The following FGGY variants were observed in gnomAD, a reference collection of about 807,000 sequenced individuals.
FGGY encodes the protein FGGY carbohydrate kinase domain-containing protein.
In FGGY, 72 loss-of-function variants were observed where a neutral mutation model predicts 71.3. That is an observed-to-expected ratio of 1.01 (90% CI 0.84 to 1.23). FGGY has a LOEUF of 1.23. Ranked by LOEUF, FGGY falls within the 50% of genes most tolerant of loss-of-function variation. FGGY has a pLI of 0.00. For missense variants in FGGY, 668 were observed against 682.3 expected (o/e 0.98, Z 0.23); for synonymous variants, 251 against 250.3 (o/e 1.00, Z -0.02).
At chr1:59,702,592 C>T (rs2097718679) in intron 14 of FGGY, among the ~76,000 whole-genome samples, 1 of 152,024 alleles carries the variant, frequency 6.6e-6, no homozygotes. Flanking sequence ...GAGAGAGAGG[C>T]TGTTAATGTG....
chr1:59,550,060 G>A (rs963925532), intron 7 of FGGY, among the ~76,000 whole-genome samples: 8 of 152,156 alleles, frequency 5.3e-5, no homozygotes, highest in African/African-American at 1.7e-4. Context: ...GTTGGGCATT[G>A]TGCAAGTTTC....
intron 5 of FGGY, among the ~76,000 whole-genome samples, chr1:59,379,169 A>G (rs930023894): frequency 1.3e-5 from 2 of 151,646 alleles, no homozygotes; most frequent in Non-Finnish European, 2.9e-5. Flanking sequence ...ATAAACACAC[A>G]CACACACACA....
intron 6 of FGGY, among the ~76,000 whole-genome samples, chr1:59,490,267 C>T (rs1436192191): frequency 6.6e-6 from 1 of 152,154 alleles, no homozygotes; most frequent in Non-Finnish European, 1.5e-5. Flanking sequence ...CCAGGCAGGT[C>T]TTAAACTCCT....
chr1:59,538,646 A>C (rs909676082), intron 7 of FGGY, among the ~76,000 whole-genome samples: 7 of 151,808 alleles, frequency 4.6e-5, no homozygotes, highest in Non-Finnish European at 2.9e-5. Flanking sequence ...CATATACACC[A>C]TGGAATACTA....
At chr1:59,612,300 G>A (rs900514203) in intron 9 of FGGY, among the ~76,000 whole-genome samples, 7 of 152,244 alleles carry the variant, frequency 4.6e-5, no homozygotes, top group African/African-American at 1.4e-4. Flanking sequence ...CTGATCTCTC[G>A]GCAGAAACTC....
At chr1:59,372,350 C>T (rs2057816069) in intron 4 of FGGY, among the ~76,000 whole-genome samples, 1 of 152,206 alleles carries the variant, frequency 6.6e-6, no homozygotes, top group Non-Finnish European at 1.5e-5. Flanking sequence ...TCTCCCAAGA[C>T]TAAACCAGGA....
chr1:59,535,556 T>C (rs2095291233), intron 7 of FGGY, among the ~76,000 whole-genome samples: 1 of 151,970 alleles, frequency 6.6e-6, no homozygotes, highest in Non-Finnish European at 1.5e-5. Flanking sequence ...ACCACACCTA[T>C]TCCAAAATTG....
chr1:59,739,736 G>A (rs748456321), intron 14 of FGGY, among the ~76,000 whole-genome samples: 3 of 151,894 alleles, frequency 2.0e-5, no homozygotes, highest in African/African-American at 4.8e-5. Flanking sequence ...CAATCTCCAC[G>A]TGGCTGTTTT....
At chr1:59,636,727 C>T (rs1475317470) in intron 10 of FGGY, among the ~76,000 whole-genome samples, 1 of 152,112 alleles carries the variant, frequency 6.6e-6, no homozygotes, top group Non-Finnish European at 1.5e-5. Flanking sequence ...GGTTTGTTTC[C>T]CTACACCAAG....
At chr1:59,440,372 A>AT (rs1191045529) in intron 5 of FGGY, among the ~76,000 whole-genome samples, 2 of 151,994 alleles carry the variant, frequency 1.3e-5, no homozygotes, top group African/African-American at 4.8e-5. Context: ...AAGCATATTG[A>AT]TTTACATTTG....
chr1:59,336,902 T>C (rs148224486), intron 2 of FGGY, among the ~76,000 whole-genome samples: 2 of 151,824 alleles, frequency 1.3e-5, no homozygotes, highest in African/African-American at 2.4e-5. Flanking sequence ...TGTCAGAGTA[T>C]AGGTCTTGAA....
intron 2 of FGGY, among the ~76,000 whole-genome samples, chr1:59,338,033 C>G (rs1398052137): frequency 6.6e-6 from 1 of 152,042 alleles, no homozygotes; most frequent in Non-Finnish European, 1.5e-5. Flanking sequence ...TCTTCTATGT[C>G]TGGTTTATTG....
At chr1:59,377,191 C>T (rs1304844027) in intron 4 of FGGY, among the ~76,000 whole-genome samples, 1 of 151,942 alleles carries the variant, frequency 6.6e-6, no homozygotes, top group Non-Finnish European at 1.5e-5. Context: ...CTGACAAGAT[C>T]CTTGACCTCA....
chr1:59,317,351 C>G (rs2045629816), intron 1 of FGGY, among the ~76,000 whole-genome samples: 1 of 152,112 alleles, frequency 6.6e-6, no homozygotes, highest in South Asian at 2.1e-4. Context: ...TTACTCCACC[C>G]TTCTGAGGTA....
At position 59,378,811 on chromosome 1, in the gene FGGY, G is replaced by A. The variant is rs371162434; in HGVS notation, c.528G>A (p.Ser176=). 255 of 1,613,436 alleles carry A rather than the reference G, an allele frequency of 1.6e-4. No individual in the cohort carries two copies. In the Middle Eastern group the frequency reaches 2.0e-3, roughly 13 times the overall value. ...GHFFDLPDFL[S]WKATGVTARS... Reference sequence around the variant, plus strand: ...TCTTTGATCTCCCGGACTTCTTATCGTGGAAGGCAACAGGTGTCACAGCAC... The same window carrying A: ...TCTTTGATCTCCCGGACTTCTTATCATGGAAGGCAACAGGTGTCACAGCAC... The change falls in exon 5 of 16, where the codon TCG becomes TCA. Residue 176 remains serine, a synonymous_variant. Coordinates refer to ENST00000303721, the MANE Select transcript of FGGY (RefSeq NM_018291.5).
intron 9 of FGGY, among the ~76,000 whole-genome samples, chr1:59,616,676 A>G (rs1436098769): frequency 6.6e-6 from 1 of 152,082 alleles, no homozygotes; most frequent in Non-Finnish European, 1.5e-5. Context: ...ATTAATTGTA[A>G]TAATTGTAGC....
intron 14 of FGGY, among the ~76,000 whole-genome samples, chr1:59,750,451 A>T (rs2098235801): frequency 6.6e-6 from 1 of 152,252 alleles, no homozygotes. Context: ...ATTAATGTAC[A>T]GCTTGATGAA....
intron 7 of FGGY, among the ~76,000 whole-genome samples, chr1:59,543,304 G>C (rs759250479): frequency 6.6e-6 from 1 of 152,136 alleles, no homozygotes; most frequent in Non-Finnish European, 1.5e-5. Flanking sequence ...CTTATCCGGT[G>C]GTGTGGGTCA....
chr1:59,514,144 G>A (rs1212526435), intron 7 of FGGY, among the ~76,000 whole-genome samples: 3 of 152,200 alleles, frequency 2.0e-5, no homozygotes, highest in African/African-American at 4.8e-5. Flanking sequence ...CAGACATGGA[G>A]TGTTTCTGTC....
Sources: allele counts gnomAD v4.1 joint callset (sites outside exome capture counted in the v4.1 genomes callset), GRCh38; gene constraint gnomAD v4.1.1; transcripts MANE v1.5; gene names NCBI Gene and HGNC (gene_info 2026-07-23, HGNC 2026-07-21).